Variants in SYCE1L observed in about 807,000 individuals in gnomAD.
The protein encoded by SYCE1L is synaptonemal complex central element protein 1 like, also known as synaptonemal complex central element protein 1-like.
In SYCE1L, 51 loss-of-function variants were observed where a neutral mutation model predicts 39.6. The observed-to-expected ratio is 1.29, with a 90% CI of 1.03 to 1.63. The LOEUF is 1.63. Ranked by LOEUF, SYCE1L falls within the 40% of genes most tolerant of loss-of-function variation. SYCE1L has a pLI of 0.00. For synonymous variants in SYCE1L, 147 were observed against 122.4 expected (o/e 1.20, Z -1.33); for missense variants, 426 against 304.9 (o/e 1.40, Z -2.96).
chr16:77,212,977 A>G lies in SYCE1L; in HGVS notation c.*46A>G, dbSNP rs1409686635. 3 of 1,447,256 alleles carry G rather than the reference A, an allele frequency of 2.1e-6. No homozygotes were observed. Among genetic ancestry groups the G allele is most frequent in the African/African-American group, 2.9e-5 (2 of 69,026 alleles). The allele number at this position is 1,447,256 out of a possible 1,614,324, so 89.7% of individuals were successfully genotyped here. The stretch of plus-strand genomic sequence containing the variant: ...CCCGACCTTCCCTCGAGACCCGCCA[A>G]GAAATAAAGGCGATGATTTCCGACC... On this transcript the variant is annotated 3_prime_UTR_variant, in exon 11 of 11. Transcript: ENST00000378644.
At chr16:77,210,669 C>G (rs989290304) in intron 6 of SYCE1L, among the ~76,000 whole-genome samples, 1 of 152,038 alleles carries the variant, frequency 6.6e-6, no homozygotes, top group Non-Finnish European at 1.5e-5. Flanking sequence ...TCTGTGGTGC[C>G]AAATTACCAC....
chr16:77,212,203 A>T lies in SYCE1L; in HGVS notation c.493+4A>T. The T allele has an allele frequency of 6.5e-7, 1 of 1,546,580 alleles. No homozygotes were observed. The highest frequency in any genetic ancestry group is 8.7e-7 in the Non-Finnish European group (1 of 1,145,278). ...AAGGAGCAGCTGCTCTCGGAGAGTG[A>T]GCCTCCCGCGCCAGGTGGGCGGGGG... On this transcript the variant is annotated splice_donor_region_variant and intron_variant, in intron 8 of 10. Transcript: ENST00000378644.
At chr16:77,211,983 C>G (rs1308654047) in intron 7 of SYCE1L, 147 bp from the exon 8 acceptor site, 1 of 945,498 alleles carries the variant, frequency 1.1e-6, no homozygotes. Flanking sequence ...CCAGCCACAG[C>G]AGGAACTGCA....
intron 1 of SYCE1L, chr16:77,202,399 G>A (rs2054752251): frequency 6.6e-6 from 1 of 152,204 alleles, no homozygotes; most frequent in Non-Finnish European, 1.5e-5. Context: ...TTAAAAGGGT[G>A]CTCTTACTGT....
chr16:77,203,592 C>CTTTT (rs57339044), intron 1 of SYCE1L, among the ~76,000 whole-genome samples: 4,201 of 120,526 alleles, frequency 0.035, 265 homozygotes, highest in African/African-American at 0.11. Context: ...AAGTTACTTC[C>CTTTT]TTTTTTTTTT....
At chr16:77,201,477 T>C (rs933225502) in intron 1 of SYCE1L, 11 of 152,212 alleles carry the variant, frequency 7.2e-5, no homozygotes, top group African/African-American at 2.7e-4. Context: ...TTGACGACCT[T>C]GTAGAGAAAC....
rs2054798771 is a variant in SYCE1L, at chr16:77,208,212, G to A, written c.124G>A (p.Gly42Arg). ...TCTTTCTTCCTTTCTTTCTTCAGAG[G>A]GAAGCCTGGAGCCACAGATAGAGGA... ...LAMVIKLQKE[G>R]SLEPQIEDLI... The change falls in exon 3 of 11, where the codon GGA (glycine) becomes AGA (arginine). Residue 42 changes from glycine to arginine, a missense_variant and splice_region_variant. Gly to Arg is a moderately radical substitution (Grantham distance 125). Transcript: ENST00000378644. 2 of 1,551,392 alleles carry A rather than the reference G, an allele frequency of 1.3e-6. No individual in the cohort carries two copies. The highest frequency in any genetic ancestry group is 1.7e-6 in the Non-Finnish European group (2 of 1,146,938).
At chr16:77,209,191 C>T (rs1223203992) in intron 5 of SYCE1L, 47 bp downstream of exon 5, 2 of 1,544,828 alleles carry the variant, frequency 1.3e-6, no homozygotes, top group Non-Finnish European at 1.8e-6. Flanking sequence ...TTCCACCCCA[C>T]AAAAGTCTAT....
chr16:77,200,981 G>C (rs2054736115), intron 1 of SYCE1L: 1 of 152,074 alleles, frequency 6.6e-6, no homozygotes, highest in Non-Finnish European at 1.5e-5. Context: ...TTAAACCACT[G>C]TATTAACAAA....
rs144018008 is a variant in SYCE1L, at chr16:77,209,391, G to A, written c.305-26G>A. ...CCCTGACTCCCCAAGAGCTCTCAAA[G>A]GGTCCCCTTGGTTCCTTCCCCACAG... On this transcript the variant is annotated intron_variant, in intron 5 of 10. Coordinates refer to ENST00000378644, the MANE Select transcript of SYCE1L (RefSeq NM_001129979.3). 1,423 of 1,551,594 alleles carry A rather than the reference G, an allele frequency of 9.2e-4. 7 individuals are homozygous for A. The African/African-American group carries it at 0.018, about 19-fold the overall frequency.
At position 77,212,860 on chromosome 16, in the gene SYCE1L, G is replaced by A; in HGVS notation, c.658G>A (p.Gly220Arg). ...AGCCTCACCCAGCCCCCGGCAGGCCGGACCTGAGCTCCCCCGCGCTCGCGA... is the reference window on the plus strand; with the variant it reads ...AGCCTCACCCAGCCCCCGGCAGGCCAGACCTGAGCTCCCCCGCGCTCGCGA... ...PEVGAGEGEA[G>R]PELPRARDEE... Residue 220 changes from glycine (G) to arginine (R), a missense_variant, in exon 11 of 11, where the codon GGA becomes AGA. Coordinates refer to ENST00000378644, the MANE Select transcript of SYCE1L (RefSeq NM_001129979.3). The A allele has an allele frequency of 2.6e-6, 4 of 1,509,750 alleles. No homozygotes were observed. The highest frequency in any genetic ancestry group is 3.5e-6 in the Non-Finnish European group (4 of 1,130,762). 93.5% of individuals were successfully genotyped at this position (1,509,750 alleles called of 1,614,324 possible).
chr16:77,200,525 G>A (rs2054728123), intron 1 of SYCE1L: 1 of 151,166 alleles, frequency 6.6e-6, no homozygotes, highest in Non-Finnish European at 1.5e-5. Context: ...GAAGGCCGAG[G>A]CGGGTGGGTC....
rs892474254 is a variant in SYCE1L at position 77,212,125 on chromosome 16, C to T, written c.424-5C>T. 7 of 1,547,908 alleles carry T rather than the reference C, an allele frequency of 4.5e-6. No individual in the cohort carries two copies. The Admixed American group carries it at 1.2e-4, about 26-fold the overall frequency. ...AACGGGGAGGCCTCCTCTTTGTCCT[C>T]GCAGATGCTGGAGCAGCGACTGGCC... On this transcript the variant is annotated splice_region_variant and splice_polypyrimidine_tract_variant and intron_variant, in intron 7 of 10. Coordinates refer to ENST00000378644, the MANE Select transcript of SYCE1L (RefSeq NM_001129979.3).
At chr16:77,202,342 T>C (rs2054751732) in intron 1 of SYCE1L, 1 of 152,232 alleles carries the variant, frequency 6.6e-6, no homozygotes, top group Non-Finnish European at 1.5e-5. Context: ...CTGTGGCCTA[T>C]TTTTACAACT....
chr16:77,209,725 T>A (rs918915566), intron 6 of SYCE1L, among the ~76,000 whole-genome samples: 2 of 152,266 alleles, frequency 1.3e-5, no homozygotes, highest in African/African-American at 4.8e-5. Context: ...CTCAGTCTTT[T>A]TCTGTTGGCT....
chr16:77,200,401 G>A (rs1341793776), intron 1 of SYCE1L: 3 of 151,144 alleles, frequency 2.0e-5, no homozygotes, highest in Admixed American at 6.6e-5. Context: ...GCAGTGAGCC[G>A]AGATCATGTC....
chr16:77,213,140 T>G lies in SYCE1L; in HGVS notation c.*209T>G, dbSNP rs141495248. ...CGTACAGAGGCTGGGTAAATGCTCC[T>G]GAACTCAGAGAGAGTAAGTGGGTGT... is the stretch of plus-strand genomic sequence containing the variant. On this transcript the variant is annotated 3_prime_UTR_variant, in exon 11 of 11. Coordinates refer to ENST00000378644, the MANE Select transcript of SYCE1L (RefSeq NM_001129979.3). 729 of 440,432 alleles carry G rather than the reference T, an allele frequency of 1.7e-3. 5 individuals are homozygous for G. The highest frequency in any genetic ancestry group is 0.013 in the African/African-American group (650 of 49,312). 27.3% of individuals were successfully genotyped at this position (440,432 alleles called of 1,614,324 possible).
chr16:77,212,084 G>C, intron 7 of SYCE1L, 46 bp from the exon 8 acceptor site: 2 of 1,528,434 alleles, frequency 1.3e-6, no homozygotes, highest in Non-Finnish European at 1.8e-6. Flanking sequence ...GGGCCGTGTA[G>C]CCAAGAGGAC....
intron 7 of SYCE1L, 44 bp from the exon 8 acceptor site, chr16:77,212,086 C>T (rs948795482): frequency 6.5e-7 from 1 of 1,529,474 alleles, no homozygotes; most frequent in African/African-American, 1.4e-5. Flanking sequence ...GCCGTGTAGC[C>T]AAGAGGACGG....
Sources: gnomAD v4.1 joint callset for allele counts (sites outside exome capture counted in the v4.1 genomes callset) on GRCh38, gnomAD v4.1.1 for gene constraint, MANE v1.5 for transcripts, NCBI Gene and HGNC (gene_info 2026-07-23, HGNC 2026-07-21) for gene names.